The following ANXA6 variants were observed in gnomAD, a reference collection of about 807,000 sequenced individuals.
The protein encoded by ANXA6 is annexin A6.
A neutral mutation model predicts 95.4 loss-of-function variants in ANXA6; 71 were observed. That is an observed-to-expected ratio of 0.74 (90% confidence interval 0.61 to 0.91). ANXA6 has a LOEUF of 0.91. Ranked by LOEUF, ANXA6 falls within the 40% of genes least tolerant of loss-of-function variation. The probability of loss-of-function intolerance (pLI) is 0.00; values close to 1 mark genes in which losing one functional copy is unlikely to be tolerated. For missense variants in ANXA6, 830 were observed against 876.4 expected, an observed-to-expected ratio of 0.95 and a Z score of 0.67; for synonymous variants, 289 against 315.9, an observed-to-expected ratio of 0.91 and a Z score of 0.90.
At chr5:151,129,354 G>C in intron 12 of ANXA6, 53 bp downstream of exon 12, 1 of 1,606,394 alleles carries the variant, frequency 6.2e-7, no homozygotes, top group East Asian at 2.2e-5. Context: ...CAAGCCCTCT[G>C]TCTTGGCAAA....
chr5:151,107,875 G>A (rs1050492261), intron 23 of ANXA6, among the ~76,000 whole-genome samples: 4 of 152,208 alleles, frequency 2.6e-5, no homozygotes, highest in South Asian at 2.1e-4. Flanking sequence ...TGCATCTAGC[G>A]TGTATGTGTC....
chr5:151,134,497 C>CA lies in ANXA6; in HGVS notation c.490-15dup, dbSNP rs1397214542. 1 of 1,613,856 alleles carries CA rather than the reference C, an allele frequency of 6.2e-7. No homozygotes were observed. Among genetic ancestry groups the CA allele is most frequent in the Admixed American group, 1.7e-5 (1 of 60,006 alleles). The stretch of plus-strand genomic sequence containing the variant: ...CTCCCTGGTTCCCTGGGCAGAAAGA[C>CA]AAAGAACATGTGTTTCAAACACTGC... On this transcript the variant is annotated splice_polypyrimidine_tract_variant and intron_variant, in intron 7 of 25. Transcript: ENST00000354546.
intron 17 of ANXA6, among the ~76,000 whole-genome samples, chr5:151,119,608 G>GC (rs941108221): frequency 2.0e-5 from 3 of 152,196 alleles, no homozygotes; most frequent in African/African-American, 4.8e-5. Context: ...TTGCCTTCCA[G>GC]CCCCCCAAAC....
intron 11 of ANXA6, among the ~76,000 whole-genome samples, chr5:151,129,921 G>T (rs558955457): frequency 6.6e-6 from 1 of 152,258 alleles, no homozygotes; most frequent in East Asian, 1.9e-4. Context: ...ATGTTGGCCA[G>T]GCTGGTCTTG....
intron 9 of ANXA6, 40 bp from the exon 10 acceptor site, chr5:151,132,611 C>G: frequency 6.5e-7 from 1 of 1,548,172 alleles, no homozygotes. Flanking sequence ...GAGAGTGCCT[C>G]TGTACCCCCG....
intron 17 of ANXA6, among the ~76,000 whole-genome samples, chr5:151,121,471 T>C (rs1352064583): frequency 6.6e-6 from 1 of 152,212 alleles, no homozygotes; most frequent in East Asian, 1.9e-4. Context: ...GACATAATGC[T>C]TTCTTGTTTA....
chr5:151,124,668 G>T (rs1765266476), intron 14 of ANXA6, among the ~76,000 whole-genome samples: 1 of 152,242 alleles, frequency 6.6e-6, no homozygotes, highest in South Asian at 2.1e-4. Context: ...CACGGGATCT[G>T]CCTCGGTTCT....
At chr5:151,147,977 C>G in intron 1 of ANXA6, 51 bp from the exon 2 acceptor site, 1 of 1,496,554 alleles carries the variant, frequency 6.7e-7, no homozygotes, top group South Asian at 1.2e-5. Flanking sequence ...CTAACCATCC[C>G]CTTTCTTTCC....
chr5:151,145,714 A>T (rs1414731701), intron 2 of ANXA6, among the ~76,000 whole-genome samples: 1 of 152,286 alleles, frequency 6.6e-6, no homozygotes, highest in Middle Eastern at 3.4e-3. Flanking sequence ...TGGAAGGAAC[A>T]ACTGCAGCTC....
intron 7 of ANXA6, among the ~76,000 whole-genome samples, chr5:151,135,115 G>A (rs1373601461): frequency 1.3e-5 from 2 of 152,100 alleles, no homozygotes; most frequent in Non-Finnish European, 2.9e-5. Context: ...TTCTTACGTG[G>A]GCAGAGGTCT....
At chr5:151,116,273 C>G (rs1342571475) in intron 20 of ANXA6, among the ~76,000 whole-genome samples, 2 of 152,180 alleles carry the variant, frequency 1.3e-5, no homozygotes, top group African/African-American at 4.8e-5. Flanking sequence ...CTATAAAAGT[C>G]TGTGGTGTCT....
At chr5:151,152,407 A>G (rs932286818) in intron 1 of ANXA6, among the ~76,000 whole-genome samples, 1 of 152,332 alleles carries the variant, frequency 6.6e-6, no homozygotes, top group Middle Eastern at 3.4e-3. Flanking sequence ...AATCCTGACC[A>G]TGCAAATTCC....
chr5:151,137,959 T>C (rs936230205), intron 5 of ANXA6, among the ~76,000 whole-genome samples: 1 of 152,244 alleles, frequency 6.6e-6, no homozygotes, highest in Non-Finnish European at 1.5e-5. Flanking sequence ...ACTATCTTTT[T>C]GGGCCTCAGT....
At chr5:151,118,327 C>A (rs1211978915) in intron 18 of ANXA6, among the ~76,000 whole-genome samples, 5 of 150,824 alleles carry the variant, frequency 3.3e-5, no homozygotes, top group African/African-American at 1.2e-4. Flanking sequence ...TTGGCATGAT[C>A]AAGGCTCACT....
chr5:151,136,400 C>T, intron 6 of ANXA6, 65 bp from the exon 7 acceptor site: 7 of 1,444,636 alleles, frequency 4.8e-6, no homozygotes, highest in South Asian at 1.2e-5. Context: ...GATAAAGGGC[C>T]CTGCTGCCCC....
At chr5:151,121,548 GT>G (rs1765169032) in intron 17 of ANXA6, among the ~76,000 whole-genome samples, 1 of 152,180 alleles carries the variant, frequency 6.6e-6, no homozygotes, top group Non-Finnish European at 1.5e-5. Flanking sequence ...ACCTGTCCTA[GT>G]TTGAAGGGCA....
chr5:151,124,420 C>T, intron 14 of ANXA6, 53 bp from the exon 15 acceptor site: 2 of 1,544,630 alleles, frequency 1.3e-6, no homozygotes, highest in Non-Finnish European at 1.8e-6. Flanking sequence ...CCCTGGGGAC[C>T]AGGCTGAAAG....
At chr5:151,110,185 C>T (rs905310652) in intron 21 of ANXA6, among the ~76,000 whole-genome samples, 4 of 152,204 alleles carry the variant, frequency 2.6e-5, no homozygotes, top group African/African-American at 9.7e-5. Flanking sequence ...CTCAACCTTT[C>T]TGCAAGCCCC....
chr5:151,141,231 G>A (rs1693296618), intron 2 of ANXA6, among the ~76,000 whole-genome samples: 1 of 152,238 alleles, frequency 6.6e-6, no homozygotes, highest in South Asian at 2.1e-4. Context: ...AGAGCTGGCA[G>A]AGTGGAGGAT....
Sources: allele counts gnomAD v4.1 joint callset (sites outside exome capture counted in the v4.1 genomes callset), GRCh38; gene constraint gnomAD v4.1.1; transcripts MANE v1.5; gene names NCBI Gene and HGNC (gene_info 2026-07-23, HGNC 2026-07-21).